Variants in PRLR observed in about 807,000 individuals in gnomAD.
The protein encoded by PRLR is hPRL receptor.
In PRLR, 13 loss-of-function variants were observed where a neutral mutation model predicts 40.2. The observed-to-expected ratio is 0.32, with a 90% CI of 0.21 to 0.51. The LOEUF (loss-of-function observed/expected upper bound fraction) is 0.51, where lower values mean the gene tolerates loss of function less well. Among genes scored for constraint, PRLR ranks in the 20% least tolerant of loss-of-function variants. The pLI is 0.97. For synonymous variants in PRLR, 269 were observed against 278.7 expected (o/e 0.97, Z 0.35); for missense variants, 656 against 747.3 (o/e 0.88, Z 1.42).
intron 1 of PRLR, among the ~76,000 whole-genome samples, chr5:35,214,065 T>C (rs1776230094): frequency 6.6e-6 from 1 of 152,232 alleles, no homozygotes; most frequent in Admixed American, 6.5e-5. Flanking sequence ...TTTCTGAGCT[T>C]TTCCATTTGC....
intron 1 of PRLR, among the ~76,000 whole-genome samples, chr5:35,209,921 CT>C (rs2111637281): frequency 6.6e-6 from 1 of 152,278 alleles, no homozygotes; most frequent in East Asian, 1.9e-4. Context: ...CTGAGTGGTT[CT>C]TTTAAAAACT....
chr5:35,229,042 G>A (rs1776624571), intron 1 of PRLR, among the ~76,000 whole-genome samples: 1 of 151,422 alleles, frequency 6.6e-6, no homozygotes, highest in African/African-American at 2.4e-5. Context: ...AAGAACCACT[G>A]AAATTAATAT....
chr5:35,124,697 G>A (rs1773399240), intron 1 of PRLR, among the ~76,000 whole-genome samples: 1 of 151,902 alleles, frequency 6.6e-6, no homozygotes, highest in Admixed American at 6.6e-5. Context: ...CTGACCTCTC[G>A]TTCTTGACAA....
In PRLR at chr5:35,059,821, T is replaced by C. The variant is rs1008475968; in HGVS notation, c.*5268A>G. ...GCTTCTCCTTCAGACCTCCAGTATCTAGTCATCGAAGTAACTTGGGTTTAT... is the reference window on the plus strand; with the variant it reads ...GCTTCTCCTTCAGACCTCCAGTATCCAGTCATCGAAGTAACTTGGGTTTAT... On this transcript the variant is annotated 3_prime_UTR_variant, in exon 10 of 10. Coordinates refer to ENST00000618457, the MANE Select transcript of PRLR (RefSeq NM_000949.7). 1.3e-5 allele frequency: 2 copies of C among 152,198 alleles called. No individual in the cohort carries two copies. The highest frequency in any genetic ancestry group is 1.3e-4 in the Admixed American group (2 of 15,282). The allele number at this position is 152,198 out of a possible 1,614,324, so 9.4% of individuals were successfully genotyped here.
intron 2 of PRLR, among the ~76,000 whole-genome samples, chr5:35,094,242 T>C (rs768653655): frequency 3.3e-5 from 5 of 152,252 alleles, no homozygotes; most frequent in Non-Finnish European, 5.9e-5. Context: ...TAATTTTACC[T>C]ACCTTTGAAC....
At chr5:35,222,922 G>T (rs905881099) in intron 1 of PRLR, among the ~76,000 whole-genome samples, 1 of 152,208 alleles carries the variant, frequency 6.6e-6, no homozygotes, top group Non-Finnish European at 1.5e-5. Context: ...TATTAGGCAT[G>T]ATAATAAAGC....
At position 35,140,068 on chromosome 5, in the gene PRLR, AAAATT is replaced by A. The variant is rs770651256; in HGVS notation, c.-105-21951_-105-21947del. ...TTCCAATTGACCTCAAGCTTTTAAG[AAAATT>A]AAATTAACTATAATGCTCCATCCCA... On this transcript the variant is annotated intron_variant, in intron 1 of 9. Transcript: ENST00000618457. 3.9e-5 allele frequency among the ~76,000 whole-genome samples: 6 copies of A among 152,368 alleles called. No homozygotes were observed. The South Asian group carries it at 1.2e-3, about 32-fold the overall frequency.
intron 1 of PRLR, among the ~76,000 whole-genome samples, chr5:35,145,230 T>C (rs1178050802): frequency 4.6e-5 from 7 of 152,196 alleles, no homozygotes; most frequent in Admixed American, 4.6e-4. Flanking sequence ...GTTTTTTCTA[T>C]AATCTATTGC....
rs897859665 is a variant in PRLR at position 35,059,294 on chromosome 5, C to T, written c.*5795G>A. The stretch of plus-strand genomic sequence containing the variant: ...AGATTATCTGTGGTCTATTTATTGA[C>T]CACACCTTATAAACAGGATAGGTTT... On this transcript the variant is annotated 3_prime_UTR_variant, in exon 10 of 10. Transcript: ENST00000618457. 3.9e-5 allele frequency: 6 copies of T among 151,980 alleles called. No homozygotes were observed. Among genetic ancestry groups the T allele is most frequent in the African/African-American group, 1.4e-4 (6 of 41,380 alleles). 9.4% of individuals were successfully genotyped at this position (151,980 alleles called of 1,614,324 possible).
At chr5:35,053,569 C>G (rs1219345158), downstream of PRLR, among the ~76,000 whole-genome samples, 2 of 152,144 alleles carry the variant, frequency 1.3e-5, no homozygotes, top group Non-Finnish European at 2.9e-5. Context: ...AGGAGAATCA[C>G]TTAAACACGG....
At position 35,082,296 on chromosome 5, in the gene PRLR, AAT is replaced by A. The variant is rs1298656165; in HGVS notation, c.373+2172_373+2173del. ...TTTCCTAAACAAACAGCAGCTAATT[AAT>A]ATATGTTTTAAGTTAAATACATACT... On this transcript the variant is annotated intron_variant, in intron 5 of 9. Transcript: ENST00000618457. 2.0e-5 allele frequency among the ~76,000 whole-genome samples: 3 copies of A among 152,376 alleles called. No homozygotes were observed. In the East Asian group the frequency reaches 5.8e-4, roughly 29 times the overall value.
chr5:35,070,836 C>T (rs1373560627), intron 6 of PRLR, among the ~76,000 whole-genome samples: 3 of 124,820 alleles, frequency 2.4e-5, no homozygotes, highest in African/African-American at 6.7e-5. Context: ...AGCGAAACTC[C>T]GTCTCAAAAA....
chr5:35,082,603 C>T (rs1770592869), intron 5 of PRLR, among the ~76,000 whole-genome samples: 1 of 152,152 alleles, frequency 6.6e-6, no homozygotes, highest in South Asian at 2.1e-4. Flanking sequence ...AAAAACAGCT[C>T]CCAGTTGAGA....
intron 1 of PRLR, among the ~76,000 whole-genome samples, chr5:35,137,022 G>GA (rs1398413481): frequency 1.3e-5 from 2 of 151,624 alleles, no homozygotes; most frequent in Non-Finnish European, 2.9e-5. Flanking sequence ...GAAGGAGACA[G>GA]AAAAAAAGAA....
At position 35,156,127 on chromosome 5, in the gene PRLR, T is replaced by TAAAAAA. The variant is rs765998296; in HGVS notation, c.-105-38011_-105-38006dup. Among the ~76,000 whole-genome samples the TAAAAAA allele has an allele frequency of 8.7e-5, 9 of 103,792 alleles. 1 individual carries two copies. Among genetic ancestry groups the TAAAAAA allele is most frequent in the African/African-American group, 3.0e-4 (8 of 27,056 alleles). The allele number at this position is 103,792 out of a possible 152,430, so 68.1% of individuals were successfully genotyped here. On this transcript the variant is annotated intron_variant, in intron 1 of 9. Transcript: ENST00000618457. ...TCTCCATCTCTCCAGTTGCTCAAGA[T>TAAAAAA]AAAAAAAAAAAACAAAAAAAAAAAC...
rs796474520 is a variant in PRLR, at chr5:35,191,272, G to A, written c.-106+38996C>T. Among the ~76,000 whole-genome samples the A allele has an allele frequency of 6.2e-5, 6 of 96,258 alleles. 1 individual carries two copies. Among genetic ancestry groups the A allele is most frequent in the Non-Finnish European group, 1.2e-4 (5 of 42,648 alleles). The allele number at this position is 96,258 out of a possible 152,430, so 63.1% of individuals were successfully genotyped here. A position where few individuals can be genotyped will look rare whatever the true frequency, so the allele number is the denominator to read the frequency against. ...TTTTTAGTAGAGACGGGGTTTCACC[G>A]TTTTAGCCGGGATGGTCTCGATCTC... On this transcript the variant is annotated intron_variant, in intron 1 of 9. Transcript: ENST00000618457.
intron 1 of PRLR, among the ~76,000 whole-genome samples, chr5:35,131,568 C>T (rs1446521496): frequency 1.3e-5 from 2 of 152,144 alleles, no homozygotes; most frequent in Admixed American, 6.5e-5. Flanking sequence ...TTCATTTAAC[C>T]CCAAACAAAG....
intron 1 of PRLR, among the ~76,000 whole-genome samples, chr5:35,180,243 C>T (rs899314449): frequency 3.3e-5 from 5 of 152,122 alleles, no homozygotes; most frequent in African/African-American, 9.7e-5. Flanking sequence ...CTTGCTTGCC[C>T]GCCACTCACC....
At position 35,098,599 on chromosome 5, in the gene PRLR, T is replaced by C. The variant is rs191896569; in HGVS notation, c.-43-8936A>G. Among the ~76,000 whole-genome samples the C allele has an allele frequency of 2.8e-3, 430 of 152,356 alleles. 3 individuals carry two copies. The highest frequency in any genetic ancestry group is 5.4e-3 in the Admixed American group (83 of 15,306). On this transcript the variant is annotated intron_variant, in intron 2 of 9. Transcript: ENST00000618457. ...TTATATACGTGTGTGAATGTGCTGT[T>C]CATCCAAACACAAAATAACTTTACT...
Sources: allele counts gnomAD v4.1 joint callset (sites outside exome capture counted in the v4.1 genomes callset), GRCh38; gene constraint gnomAD v4.1.1; transcripts MANE v1.5; gene names NCBI Gene and HGNC (gene_info 2026-07-23, HGNC 2026-07-21).